Variants in PREX1 observed in about 807,000 individuals in gnomAD.
PREX1 encodes phosphatidylinositol-3,4,5-trisphosphate dependent Rac exchange factor 1.
Under a neutral mutation model 198.3 loss-of-function variants are expected in PREX1, and 41 were observed. The ratio of observed to expected loss-of-function variants is 0.21; its 90% CI spans 0.16 to 0.27. PREX1 has a LOEUF of 0.27. Among genes scored for constraint, PREX1 ranks in the 10% least tolerant of loss-of-function variants. PREX1 has a pLI of 1.00. For missense variants in PREX1, 1,620 were observed against 2,200.7 expected (o/e 0.74, Z 5.28); for synonymous variants, 843 against 887.2 (o/e 0.95, Z 0.89).
chr20:48,882,278 G>A, the PREX1 span, among the ~76,000 whole-genome samples: 368 of 151,618 alleles, frequency 2.4e-3, 4 homozygotes, highest in African/African-American at 8.2e-3. Flanking sequence ...GGAGGCAGGC[G>A]GATCACGAGG....
rs376992506 is a variant in PREX1 at position 48,822,727 on chromosome 20, C to T, written c.219+4915G>A. On this transcript the variant is annotated intron_variant, in intron 1 of 39. Coordinates refer to ENST00000371941, the MANE Select transcript of PREX1 (RefSeq NM_020820.4). ...TGCCTTTCTGTAAAAGATACACATC[C>T]TTCCATCCTTTTCTCCAACCTAATG... 2.6e-5 allele frequency among the ~76,000 whole-genome samples: 4 copies of T among 152,296 alleles called. No individual in the cohort carries two copies. In the East Asian group the frequency reaches 7.7e-4, roughly 29 times the overall value.
chr20:48,879,269 C>A, the PREX1 span, among the ~76,000 whole-genome samples: 1 of 152,190 alleles, frequency 6.6e-6, no homozygotes, highest in African/African-American at 2.4e-5. Flanking sequence ...GTTTCATCTT[C>A]CATACACATA....
intron 29 of PREX1, among the ~76,000 whole-genome samples, chr20:48,641,428 T>G (rs970707766): frequency 6.6e-6 from 1 of 152,134 alleles, no homozygotes; most frequent in Non-Finnish European, 1.5e-5. Flanking sequence ...AAATTAAATT[T>G]TTTAAGAGTG....
Position 48,800,091 on chromosome 20 carries a change from G to T in PREX1, c.219+27551C>A, listed in dbSNP as rs1010857588. 7.9e-5 allele frequency among the ~76,000 whole-genome samples: 12 copies of T among 152,178 alleles called. 1 individual carries two copies. Among genetic ancestry groups the T allele is most frequent in the African/African-American group, 2.9e-4 (12 of 41,436 alleles). The stretch of plus-strand genomic sequence containing the variant: ...TGGGACTCTGGAGAATTTGAATAAA[G>T]CTATTTCACCAAACTTTACACTCAT... On this transcript the variant is annotated intron_variant, in intron 1 of 39. Coordinates refer to ENST00000371941, the MANE Select transcript of PREX1 (RefSeq NM_020820.4).
chr20:48,885,279 G>A, the PREX1 span, among the ~76,000 whole-genome samples: 1 of 152,136 alleles, frequency 6.6e-6, no homozygotes, highest in African/African-American at 2.4e-5. Flanking sequence ...GAGTGTGTGT[G>A]GCATATTGCA....
intron 25 of PREX1, 87 bp from the exon 26 acceptor site, chr20:48,646,144 T>G: frequency 2.3e-6 from 3 of 1,317,988 alleles, no homozygotes; most frequent in Non-Finnish European, 3.2e-6. Context: ...GCTGCAGGTG[T>G]GAGCACTGGC....
chr20:48,726,793 A>T lies in PREX1; in HGVS notation c.520-402T>A, dbSNP rs143554103. On this transcript the variant is annotated intron_variant, in intron 4 of 39. Transcript: ENST00000371941. ...CATATACACACCAGGAGACTCAAAA[A>T]TGCCTTGCTTACAACAGTAAAAAAT... 3.8e-3 allele frequency among the ~76,000 whole-genome samples: 585 copies of T among 152,306 alleles called. 3 individuals carry two copies. The highest frequency in any genetic ancestry group is 6.0e-3 in the Non-Finnish European group (406 of 68,012).
At chr20:48,848,337 C>G in the PREX1 span, among the ~76,000 whole-genome samples, 147 of 152,006 alleles carry the variant, frequency 9.7e-4, no homozygotes, top group African/African-American at 3.5e-3. Context: ...TCACTGCACC[C>G]TCAACCTTTC....
chr20:48,859,100 C>T, the PREX1 span, among the ~76,000 whole-genome samples: 1 of 151,918 alleles, frequency 6.6e-6, no homozygotes, highest in African/African-American at 2.4e-5. Context: ...AAGATCTTGC[C>T]ATGTTGCCCA....
At chr20:48,839,364 TTG>T in the PREX1 span, among the ~76,000 whole-genome samples, 1 of 152,244 alleles carries the variant, frequency 6.6e-6, no homozygotes, top group Non-Finnish European at 1.5e-5. Flanking sequence ...TATTTAAAGC[TTG>T]TTCTTTAGAT....
At chr20:48,708,124 G>T in intron 6 of PREX1, 136 bp downstream of exon 6, 1 of 921,382 alleles carries the variant, frequency 1.1e-6, no homozygotes, top group Non-Finnish European at 1.6e-6. Context: ...AAATAATTAA[G>T]CAATCTTTTG....
chr20:48,860,044 AAACCAAGGTCTTG>A, the PREX1 span, among the ~76,000 whole-genome samples: 1 of 152,330 alleles, frequency 6.6e-6, no homozygotes, highest in East Asian at 1.9e-4. Context: ...AAAAGAAAAG[AAACCAAGGTCTTG>A]AACAGATATT....
chr20:48,816,201 C>T lies in PREX1; in HGVS notation c.219+11441G>A, dbSNP rs569188075. 3.9e-5 allele frequency among the ~76,000 whole-genome samples: 6 copies of T among 152,154 alleles called. No homozygotes were observed. The South Asian group carries it at 1.2e-3, about 31-fold the overall frequency. On this transcript the variant is annotated intron_variant, in intron 1 of 39. Coordinates refer to ENST00000371941, the MANE Select transcript of PREX1 (RefSeq NM_020820.4). ...ATCAGTTCACCTTACTCAGGGTTCA[C>T]TCTGGGCAGGGCCAGAGAGGGAGTA...
At chr20:48,721,003 T>C (rs143580041) in intron 5 of PREX1, among the ~76,000 whole-genome samples, 6 of 152,342 alleles carry the variant, frequency 3.9e-5, no homozygotes, top group Non-Finnish European at 7.4e-5. Context: ...CTGTTCCGAA[T>C]GGACAGGTCC....
intron 14 of PREX1, among the ~76,000 whole-genome samples, chr20:48,671,652 A>G (rs1220328530): frequency 2.6e-5 from 4 of 152,212 alleles, no homozygotes; most frequent in Non-Finnish European, 5.9e-5. Context: ...CTTTCCTGCT[A>G]AGATGCAAGG....
At chr20:48,669,875 G>A (rs764722069) in intron 14 of PREX1, among the ~76,000 whole-genome samples, 7 of 152,114 alleles carry the variant, frequency 4.6e-5, no homozygotes, top group South Asian at 4.1e-4. Context: ...ACGGAGTAAT[G>A]GGGGAAAGAG....
chr20:48,709,232 T>A (rs1021352171), intron 5 of PREX1, among the ~76,000 whole-genome samples: 2 of 152,194 alleles, frequency 1.3e-5, no homozygotes, highest in African/African-American at 4.8e-5. Flanking sequence ...CAGTCTTTCA[T>A]CCCGAACTGT....
intron 30 of PREX1, 44 bp from the exon 31 acceptor site, chr20:48,637,796 G>C (rs764829340): frequency 1.3e-6 from 2 of 1,557,520 alleles, no homozygotes; most frequent in Non-Finnish European, 1.8e-6. Flanking sequence ...GCTGGGAGGG[G>C]GCAGCAAGAG....
chr20:48,747,913 C>T (rs376286089), intron 1 of PREX1, 33 bp from the exon 2 acceptor site: 11 of 1,582,852 alleles, frequency 6.9e-6, no homozygotes, highest in Non-Finnish European at 8.6e-6. Context: ...GGTGAGTGTC[C>T]GCGTCTCCAG....
Sources: allele counts gnomAD v4.1 joint callset (sites outside exome capture counted in the v4.1 genomes callset), GRCh38; gene constraint gnomAD v4.1.1; transcripts MANE v1.5; gene names NCBI Gene and HGNC (gene_info 2026-07-23, HGNC 2026-07-21).